MDN1: variants seen among roughly 807,000 people sequenced by gnomAD.
MDN1 encodes midasin.
In MDN1, 266 loss-of-function variants were observed where a neutral mutation model predicts 669.2. The observed-to-expected ratio is 0.40, with a 90% CI of 0.36 to 0.44. The LOEUF (loss-of-function observed/expected upper bound fraction) is 0.44, where lower values mean the gene tolerates loss of function less well. Among genes scored for constraint, MDN1 ranks in the 20% least tolerant of loss-of-function variants. MDN1 has a pLI of 1.00. For synonymous variants in MDN1, 2,385 were observed against 2,457.1 expected (o/e 0.97, Z 0.87); for missense variants, 5,940 against 6,754.0 (o/e 0.88, Z 4.22).
chr6:89,734,652 A>AT (rs1056200185), intron 33 of MDN1, among the ~76,000 whole-genome samples: 3 of 140,610 alleles, frequency 2.1e-5, no homozygotes, highest in African/African-American at 7.9e-5. Context: ...AGAGCCAGAC[A>AT]TTGTCTCAAA....
intron 5 of MDN1, among the ~76,000 whole-genome samples, chr6:89,790,886 G>A (rs1819233306): frequency 6.6e-6 from 1 of 152,108 alleles, no homozygotes; most frequent in Admixed American, 6.6e-5. Context: ...AGCTGGACAT[G>A]GTGGCATATG....
chr6:89,781,721 T>A, intron 9 of MDN1, 129 bp from the exon 10 acceptor site: 1 of 711,744 alleles, frequency 1.4e-6, no homozygotes, highest in Non-Finnish European at 2.3e-6. Flanking sequence ...TGGGGGACGG[T>A]AGCTCACACC....
intron 35 of MDN1, among the ~76,000 whole-genome samples, chr6:89,729,473 T>G (rs1815433697): frequency 6.6e-6 from 1 of 152,170 alleles, no homozygotes; most frequent in South Asian, 2.1e-4. Context: ...ACCTTCATAG[T>G]TACTTTCCTA....
intron 67 of MDN1, among the ~76,000 whole-genome samples, chr6:89,687,659 A>G (rs542959852): frequency 2.0e-5 from 3 of 152,334 alleles, no homozygotes; most frequent in East Asian, 1.9e-4. Context: ...AAAAAAGCAC[A>G]GTGTTTATAG....
Position 89,674,556 on chromosome 6 carries a change from G to A in MDN1, c.12795C>T (p.Ser4265=). The change falls in exon 79 of 102, where the codon AGC becomes AGT. Residue 4265 remains serine (S), a synonymous_variant. Transcript: ENST00000369393. ...NLLSCVQEIH[S]RLMGPQAYPV... The stretch of plus-strand genomic sequence containing the variant: ...GGTAGGCCTGGGGCCCCATCAGCCT[G>A]CTGTGAATCTCTTGCACACAGCTGA... 6.3e-7 allele frequency: 1 copy of A among 1,589,786 alleles called. No individual in the cohort carries two copies.
At chr6:89,812,787 C>T (rs1421121889) in intron 1 of MDN1, among the ~76,000 whole-genome samples, 1 of 152,060 alleles carries the variant, frequency 6.6e-6, no homozygotes, top group Admixed American at 6.6e-5. Context: ...GAAACAATTC[C>T]TAAACTACTC....
chr6:89,683,928 A>G, intron 71 of MDN1, 24 bp from the exon 72 acceptor site: 5 of 1,563,194 alleles, frequency 3.2e-6, no homozygotes, highest in Middle Eastern at 1.7e-4. Flanking sequence ...GATGTTCAAG[A>G]AATGGCTTTA....
intron 31 of MDN1, among the ~76,000 whole-genome samples, chr6:89,741,120 T>C (rs534707898): frequency 1.3e-5 from 2 of 152,096 alleles, no homozygotes; most frequent in Non-Finnish European, 2.9e-5. Context: ...TAATCCCAGC[T>C]ACTCGGGAGG....
At chr6:89,656,938 G>T in intron 90 of MDN1, 137 bp from the exon 91 acceptor site, 1 of 701,522 alleles carries the variant, frequency 1.4e-6, no homozygotes, top group Non-Finnish European at 2.3e-6. Context: ...CTACCTGCCT[G>T]CCCTGGAACT....
At position 89,787,439 on chromosome 6, in the gene MDN1, G is replaced by A. The variant is rs947140526; in HGVS notation, c.1334+415C>T. 2.0e-5 allele frequency among the ~76,000 whole-genome samples: 3 copies of A among 152,050 alleles called. 1 individual carries two copies. The highest frequency in any genetic ancestry group is 2.0e-4 in the Admixed American group (3 of 15,254). Reference sequence around the variant, plus strand: ...GCTAGCCATTAACTGGGCATTTATTGTGACAGGTCTTTAGTACAAGTCATT... The same window carrying A: ...GCTAGCCATTAACTGGGCATTTATTATGACAGGTCTTTAGTACAAGTCATT... On this transcript the variant is annotated intron_variant, in intron 8 of 101. Coordinates refer to ENST00000369393, the MANE Select transcript of MDN1 (RefSeq NM_014611.3).
intron 1 of MDN1, chr6:89,815,360 G>C (rs1350669833): frequency 8.8e-6 from 4 of 456,280 alleles, no homozygotes; most frequent in Non-Finnish European, 1.7e-5. Context: ...GAAGAGAGTG[G>C]TGAAATGACA....
chr6:89,701,327 T>C (rs1430443760), intron 55 of MDN1, among the ~76,000 whole-genome samples: 3 of 152,218 alleles, frequency 2.0e-5, no homozygotes, highest in Non-Finnish European at 2.9e-5. Flanking sequence ...AAAGGGTACA[T>C]AGGTTATATA....
chr6:89,721,771 G>A (rs1247061435), intron 40 of MDN1, among the ~76,000 whole-genome samples: 1 of 151,674 alleles, frequency 6.6e-6, no homozygotes, highest in Non-Finnish European at 1.5e-5. Context: ...TTAAAACAAT[G>A]TCTCCAATTT....
chr6:89,686,974 A>C lies in MDN1; in HGVS notation c.11500T>G (p.Ser3834Ala). 6.2e-7 allele frequency: 1 copy of C among 1,613,964 alleles called. No individual in the cohort carries two copies. Among genetic ancestry groups the C allele is most frequent in the Non-Finnish European group, 8.5e-7 (1 of 1,180,000 alleles). ...DNTMKRHTEK[S>A]TKHWFSIYQM... ...TAGATGGAGAACCAGTGCTTGGTGG[A>C]TTTCTCGGTGTGGCGCTTCATAGTA... The change falls in exon 69 of 102, where the codon TCC (serine) becomes GCC (alanine). Residue 3834 changes from serine to alanine, a missense_variant. By Grantham distance (99) the Ser-to-Ala change is moderately conservative. This residue lies in a region of MDN1 where 2,280 missense variants were observed against 2,576.3 expected (regional missense o/e 0.88). Coordinates refer to ENST00000369393, the MANE Select transcript of MDN1 (RefSeq NM_014611.3).
chr6:89,704,745 T>C (rs574035739), intron 53 of MDN1, among the ~76,000 whole-genome samples: 1 of 152,274 alleles, frequency 6.6e-6, no homozygotes, highest in South Asian at 2.1e-4. Context: ...CATGCCTGGC[T>C]AATTTTTTGT....
At chr6:89,740,812 A>G (rs1424800140) in intron 31 of MDN1, among the ~76,000 whole-genome samples, 1 of 152,236 alleles carries the variant, frequency 6.6e-6, no homozygotes, top group East Asian at 1.9e-4. Flanking sequence ...CATCAATGCA[A>G]AGTAAGAGAA....
intron 2 of MDN1, among the ~76,000 whole-genome samples, chr6:89,798,702 G>T (rs1819745168): frequency 6.6e-6 from 1 of 152,282 alleles, no homozygotes; most frequent in East Asian, 1.9e-4. Context: ...AAAAACCACT[G>T]AACTGTACAC....
rs573911550 is a variant in MDN1 at position 89,675,805 on chromosome 6, C to G, written c.12646-226G>C. On this transcript the variant is annotated intron_variant, in intron 77 of 101. Coordinates refer to ENST00000369393, the MANE Select transcript of MDN1 (RefSeq NM_014611.3). Reference sequence around the variant, plus strand: ...AAAATGCATTTATTAGTGGTCTTTTCTCAATTCACAAAGGGAAGAAAGATC... The same window carrying G: ...AAAATGCATTTATTAGTGGTCTTTTGTCAATTCACAAAGGGAAGAAAGATC... 8.8e-6 allele frequency: 5 copies of G among 566,070 alleles called. No individual in the cohort carries two copies. The African/African-American group carries it at 9.4e-5, about 11-fold the overall frequency. 35.1% of individuals were successfully genotyped at this position (566,070 alleles called of 1,614,324 possible). A position where few individuals can be genotyped will look rare whatever the true frequency, so the allele number is the denominator to read the frequency against.
intron 33 of MDN1, among the ~76,000 whole-genome samples, chr6:89,735,420 C>A (rs184128000): frequency 1.4e-5 from 2 of 144,286 alleles, no homozygotes; most frequent in African/African-American, 5.2e-5. Flanking sequence ...GTTGCCCAGG[C>A]TGGAGTGCAA....
Sources: gnomAD v4.1 joint callset for allele counts (sites outside exome capture counted in the v4.1 genomes callset) on GRCh38, gnomAD v4.1.1 for gene constraint, gnomAD v4.1.1 regional missense constraint, MANE v1.5 for transcripts, NCBI Gene and HGNC (gene_info 2026-07-23, HGNC 2026-07-21) for gene names.